FXR2: variants seen among roughly 807,000 people sequenced by gnomAD.
The protein encoded by FXR2 is RNA-binding protein FXR2.
FXR2 carries 9 observed loss-of-function variants against 87.3 expected under a neutral mutation model. That is an observed-to-expected ratio of 0.10 (90% confidence interval 0.06 to 0.18). The LOEUF is 0.18. Ranked by LOEUF, FXR2 falls within the 10% of genes least tolerant of loss-of-function variation. FXR2 has a pLI of 1.00. For missense variants in FXR2, 661 were observed against 893.6 expected (o/e 0.74, Z 3.32); for synonymous variants, 331 against 328.3 (o/e 1.01, Z -0.09).
At chr17:7,609,535 T>C (rs1189110006) in intron 1 of FXR2, among the ~76,000 whole-genome samples, 1 of 152,158 alleles carries the variant, frequency 6.6e-6, no homozygotes, top group Non-Finnish European at 1.5e-5. Context: ...TCCAGAAATG[T>C]TTTTTCTACT....
At chr17:7,614,013 A>C in intron 1 of FXR2, 1 of 457,784 alleles carries the variant, frequency 2.2e-6, no homozygotes, top group Non-Finnish European at 4.4e-6. Context: ...AGATGAAAGG[A>C]TCTTTTACGG....
intron 7 of FXR2, among the ~76,000 whole-genome samples, chr17:7,598,088 A>G (rs1260595143): frequency 1.3e-5 from 2 of 151,948 alleles, no homozygotes; most frequent in Non-Finnish European, 2.9e-5. Flanking sequence ...CACCTGGACT[A>G]CTGTGCTCTG....
Position 7,591,908 on chromosome 17 carries a change from C to T in FXR2, c.1944G>A (p.Lys648=). Residue 648 remains lysine, a synonymous_variant, in exon 17 of 17, where the codon AAG becomes AAA. Coordinates refer to ENST00000250113, the MANE Select transcript of FXR2 (RefSeq NM_004860.4). The surrounding 1 kb of genome is among the most constrained non-coding windows in gnomAD (Gnocchi z 4.0). ...LSGQKGDSVS[K]LPKGPSENGE... ...CATTCTCCGAGGGGCCCTTAGGAAGCTTGCTGACAGAGTCACCCTGAGGGG... is the reference window on the plus strand; with the variant it reads ...CATTCTCCGAGGGGCCCTTAGGAAGTTTGCTGACAGAGTCACCCTGAGGGG... 6.3e-7 allele frequency: 1 copy of T among 1,598,552 alleles called. No individual in the cohort carries two copies. Among genetic ancestry groups the T allele is most frequent in the Non-Finnish European group, 8.6e-7 (1 of 1,166,240 alleles).
Position 7,593,685 on chromosome 17 carries a change from G to T in FXR2, c.1108-60C>A. ...AAATAAGATCAGTGCCTTGCTTCATGCTTCTGCACCCTGACTGTCCCTCTA... is the reference window on the plus strand; with the variant it reads ...AAATAAGATCAGTGCCTTGCTTCATTCTTCTGCACCCTGACTGTCCCTCTA... On this transcript the variant is annotated intron_variant, in intron 11 of 16. Transcript: ENST00000250113. This position sits in a 1 kb window ranked among gnomAD's most constrained non-coding sequence, Gnocchi z 6.1. 1 of 1,160,814 alleles carries T rather than the reference G, an allele frequency of 8.6e-7. No individual in the cohort carries two copies. Among genetic ancestry groups the T allele is most frequent in the Non-Finnish European group, 1.3e-6 (1 of 798,806 alleles). The allele number at this position is 1,160,814 out of a possible 1,614,324, so 71.9% of individuals were successfully genotyped here.
chr17:7,592,772 G>GGCGGCGGGA lies in FXR2; in HGVS notation c.1642_1650dup (p.Ser548_Arg550dup). ...ACGGTCCTGTCTTCATCAGTGCGGC[G>GGCGGCGGGA]GCGGCGGGAGCGGCGGCGCCTGGCA... On this transcript the variant is annotated inframe_insertion, in exon 14 of 17. Transcript: ENST00000250113. The surrounding 1 kb of genome is among the most constrained non-coding windows in gnomAD (Gnocchi z 4.8). 1 of 1,613,690 alleles carries GGCGGCGGGA rather than the reference G, an allele frequency of 6.2e-7. No individual in the cohort carries two copies. The highest frequency in any genetic ancestry group is 8.5e-7 in the Non-Finnish European group (1 of 1,179,812).
intron 7 of FXR2, among the ~76,000 whole-genome samples, chr17:7,599,369 C>A (rs1162979660): frequency 5.9e-5 from 9 of 152,072 alleles, no homozygotes; most frequent in African/African-American, 1.9e-4. Context: ...TTTTTACCTG[C>A]CAGTGCCCTG....
At chr17:7,599,217 T>A (rs2071733000) in intron 7 of FXR2, among the ~76,000 whole-genome samples, 1 of 151,594 alleles carries the variant, frequency 6.6e-6, no homozygotes. Context: ...GAGGATCACT[T>A]GAGCTCGGGG....
At position 7,593,465 on chromosome 17, in the gene FXR2, C is replaced by T. The variant is rs2071683573; in HGVS notation, c.1268G>A (p.Arg423Gln). 1 of 1,590,208 alleles carries T rather than the reference C, an allele frequency of 6.3e-7. No individual in the cohort carries two copies. The highest frequency in any genetic ancestry group is 2.3e-5 in the East Asian group (1 of 43,734). ...GCCCCCATAGCTGCCCCCATAGGTT[C>T]GAGTCGCATGGAGGGAGGAGGAGGA... ...ESSSSSLHAT[R>Q]TYGGSYGGRG... Residue 423 changes from arginine (R) to glutamine (Q), a missense_variant, in exon 12 of 17, where the codon CGA (arginine) becomes CAA (glutamine). This residue lies in a region of FXR2 where 409 missense variants were observed against 432.0 expected (regional missense o/e 0.95). Coordinates refer to ENST00000250113, the MANE Select transcript of FXR2 (RefSeq NM_004860.4). This position sits in a 1 kb window ranked among gnomAD's most constrained non-coding sequence, Gnocchi z 6.1.
intron 1 of FXR2, among the ~76,000 whole-genome samples, chr17:7,606,917 T>C (rs935893076): frequency 9.2e-5 from 14 of 152,238 alleles, no homozygotes; most frequent in African/African-American, 3.4e-4. Flanking sequence ...CCAATTTTTC[T>C]ACCTTCTCCC....
chr17:7,602,677 C>A lies in FXR2; in HGVS notation c.543+232G>T, dbSNP rs2071768279. The A allele has an allele frequency of 2.1e-5, 8 of 387,254 alleles. No individual in the cohort carries two copies. The South Asian group carries it at 2.6e-4, about 13-fold the overall frequency. The allele number at this position is 387,254 out of a possible 1,614,324, so 24.0% of individuals were successfully genotyped here. On this transcript the variant is annotated intron_variant, in intron 6 of 16. Transcript: ENST00000250113. ...CCGGGAGGTGGAGGTTGCAGTGAGC[C>A]GAGATCGTGCCATTGTTCTCCAGCC...
chr17:7,592,197 C>T lies in FXR2; in HGVS notation c.1926+57G>A. 1 of 1,545,232 alleles carries T rather than the reference C, an allele frequency of 6.5e-7. No homozygotes were observed. The highest frequency in any genetic ancestry group is 8.9e-7 in the Non-Finnish European group (1 of 1,126,042). ...GAGATTTGTGAAATTTTTTGTGCCC[C>T]CTGCCCCAGAGTAACAACAAAAAAG... On this transcript the variant is annotated intron_variant, in intron 16 of 16. Coordinates refer to ENST00000250113, the MANE Select transcript of FXR2 (RefSeq NM_004860.4). This position sits in a 1 kb window ranked among gnomAD's most constrained non-coding sequence, Gnocchi z 4.8.
intron 1 of FXR2, among the ~76,000 whole-genome samples, chr17:7,609,183 G>A (rs2071829197): frequency 6.6e-6 from 1 of 152,238 alleles, no homozygotes; most frequent in Non-Finnish European, 1.5e-5. Flanking sequence ...AACTATTCAT[G>A]AGCTTTGCTG....
intron 1 of FXR2, among the ~76,000 whole-genome samples, chr17:7,608,576 C>A (rs2071823571): frequency 6.6e-6 from 1 of 150,584 alleles, no homozygotes. Context: ...CAAGATCATG[C>A]CATCGCACTG....
chr17:7,609,754 T>C (rs2071833200), intron 1 of FXR2, among the ~76,000 whole-genome samples: 1 of 151,686 alleles, frequency 6.6e-6, no homozygotes, highest in Non-Finnish European at 1.5e-5. Context: ...ATTTTATCCA[T>C]TCCCTCTTCT....
Position 7,594,378 on chromosome 17 carries a change from TTA to T in FXR2, c.911-33_911-32del. 2 of 1,368,638 alleles carry T rather than the reference TTA, an allele frequency of 1.5e-6. No individual in the cohort carries two copies. Among genetic ancestry groups the T allele is most frequent in the Non-Finnish European group, 2.1e-6 (2 of 961,080 alleles). 84.8% of individuals were successfully genotyped at this position (1,368,638 alleles called of 1,614,324 possible). ...ATAGGTAAATGAGGAATTCAGCCTT[TTA>T]TTTTTTTTAAGGAAATAAGAATAAA... On this transcript the variant is annotated intron_variant, in intron 9 of 16. Transcript: ENST00000250113. The surrounding 1 kb of genome is among the most constrained non-coding windows in gnomAD (Gnocchi z 5.1).
At position 7,614,650 on chromosome 17, in the gene FXR2, C is replaced by A; in HGVS notation, c.-118G>T. The stretch of plus-strand genomic sequence containing the variant: ...GAGCCGGAGGGGGAGCCGCGGGGGG[C>A]GGGAGCCGGGCCGGCCCCACGGCGG... On this transcript the variant is annotated 5_prime_UTR_variant, in exon 1 of 17. Transcript: ENST00000250113. 2.0e-6 allele frequency: 1 copy of A among 491,600 alleles called. No individual in the cohort carries two copies. Among genetic ancestry groups the A allele is most frequent in the Non-Finnish European group, 3.1e-6 (1 of 320,694 alleles). 30.5% of individuals were successfully genotyped at this position (491,600 alleles called of 1,614,324 possible). A position where few individuals can be genotyped will look rare whatever the true frequency, so the allele number is the denominator to read the frequency against.
chr17:7,608,184 G>T (rs1253642811), intron 1 of FXR2, among the ~76,000 whole-genome samples: 1 of 151,538 alleles, frequency 6.6e-6, no homozygotes, highest in Admixed American at 6.6e-5. Context: ...TTGAACTCCT[G>T]GACTCAAGCA....
intron 1 of FXR2, among the ~76,000 whole-genome samples, chr17:7,613,105 T>C (rs1431283534): frequency 7.6e-6 from 1 of 131,402 alleles, no homozygotes; most frequent in Non-Finnish European, 1.6e-5. Flanking sequence ...TATAGAAAAA[T>C]ATGACTTAGA....
chr17:7,599,769 T>C (rs1043897401), intron 7 of FXR2, among the ~76,000 whole-genome samples: 8 of 151,948 alleles, frequency 5.3e-5, no homozygotes, highest in Admixed American at 2.0e-4. Flanking sequence ...TCCCAGCTAC[T>C]TGGGAGGCTG....
Sources: gnomAD v4.1 joint callset for allele counts (sites outside exome capture counted in the v4.1 genomes callset) on GRCh38, gnomAD v4.1.1 for gene constraint, gnomAD v4.1.1 regional missense constraint, Gnocchi (gnomAD v3.1) non-coding constraint, MANE v1.5 for transcripts, NCBI Gene and HGNC (gene_info 2026-07-23, HGNC 2026-07-21) for gene names.